The following ABTB3 variants were observed in gnomAD, a reference collection of about 807,000 sequenced individuals.
ABTB3 encodes ankyrin repeat- and BTB/POZ domain-containing protein 3.
the ABTB3 span, among the ~76,000 whole-genome samples, chr12:107,381,282 T>C: frequency 6.6e-6 from 1 of 152,254 alleles, no homozygotes. Context: ...GGGCATGTGC[T>C]AAATACTTGC....
chr12:107,454,427 C>A, the ABTB3 span, among the ~76,000 whole-genome samples: 1 of 152,210 alleles, frequency 6.6e-6, no homozygotes, highest in Admixed American at 6.5e-5. Flanking sequence ...GGAAGCTGAC[C>A]TATTAAGGGT....
the ABTB3 span, among the ~76,000 whole-genome samples, chr12:107,566,686 A>ACACACAC: frequency 3.3e-5 from 3 of 91,156 alleles, no homozygotes; most frequent in Middle Eastern, 5.2e-3. Context: ...CACACACACA[A>ACACACAC]ACATCTTTAC....
chr12:107,559,379 G>GA, the ABTB3 span, among the ~76,000 whole-genome samples: 2 of 151,844 alleles, frequency 1.3e-5, no homozygotes, highest in East Asian at 3.8e-4. Flanking sequence ...CACTCAGGGG[G>GA]AAAAAACAAC....
chr12:107,414,143 T>C, the ABTB3 span, among the ~76,000 whole-genome samples: 1 of 152,210 alleles, frequency 6.6e-6, no homozygotes, highest in Non-Finnish European at 1.5e-5. Context: ...TGAATTTATT[T>C]TTAGACTGAT....
the ABTB3 span, among the ~76,000 whole-genome samples, chr12:107,395,309 C>G: frequency 6.6e-6 from 1 of 151,664 alleles, no homozygotes; most frequent in East Asian, 1.9e-4. Context: ...ACCAAAATCT[C>G]TGTCCATGCT....
At chr12:107,542,307 G>T in the ABTB3 span, among the ~76,000 whole-genome samples, 1 of 58,830 alleles carries the variant, frequency 1.7e-5, no homozygotes, top group African/African-American at 7.9e-5. Flanking sequence ...GCGAAACTCT[G>T]TCTCAAAAAA....
chr12:107,542,837 A>G, the ABTB3 span, among the ~76,000 whole-genome samples: 1 of 152,240 alleles, frequency 6.6e-6, no homozygotes. Flanking sequence ...CTTACTATTC[A>G]TTAAGTGGAA....
At chr12:107,609,080 G>A in the ABTB3 span, among the ~76,000 whole-genome samples, 60 of 152,266 alleles carry the variant, frequency 3.9e-4, no homozygotes, top group East Asian at 4.0e-3. Context: ...TCTGCCTGGC[G>A]GCTTCCTTGC....
chr12:107,655,274 T>TATATATATATATATATAC, the ABTB3 span, among the ~76,000 whole-genome samples: 1 of 151,132 alleles, frequency 6.6e-6, no homozygotes, highest in African/African-American at 2.5e-5. Flanking sequence ...TATATATATA[T>TATATATATATATATATAC]ACACCTACAA....
At chr12:107,413,602 T>C in the ABTB3 span, among the ~76,000 whole-genome samples, 1 of 152,054 alleles carries the variant, frequency 6.6e-6, no homozygotes, top group African/African-American at 2.4e-5. Flanking sequence ...CATGGGGGCA[T>C]GAGGAGGTGT....
the ABTB3 span, among the ~76,000 whole-genome samples, chr12:107,388,388 C>A: frequency 1.3e-5 from 2 of 150,898 alleles, no homozygotes; most frequent in South Asian, 4.2e-4. Flanking sequence ...TCTTTATTAT[C>A]TGCCTCCTTC....
chr12:107,543,819 C>T, the ABTB3 span: 1 of 925,970 alleles, frequency 1.1e-6, no homozygotes, highest in Non-Finnish European at 1.6e-6. Context: ...TCCCATTGAA[C>T]CACTTTATTT....
chr12:107,623,912 G>A, the ABTB3 span, among the ~76,000 whole-genome samples: 27,957 of 152,036 alleles, frequency 0.18, 4,433 homozygotes, highest in African/African-American at 0.43. Flanking sequence ...TAACTTAGAC[G>A]AAACGGTCAG....
chr12:107,531,483 C>T, the ABTB3 span, among the ~76,000 whole-genome samples: 310 of 152,280 alleles, frequency 2.0e-3, 3 homozygotes, highest in African/African-American at 7.2e-3. Context: ...ACTGGATTAG[C>T]TCGAAGGCCA....
chr12:107,612,911 C>G, the ABTB3 span: 1 of 1,582,228 alleles, frequency 6.3e-7, no homozygotes, highest in Non-Finnish European at 8.6e-7. Flanking sequence ...GCCGGCAGTC[C>G]CCAGGGGAAA....
chr12:107,398,207 C>T, the ABTB3 span, among the ~76,000 whole-genome samples: 2 of 152,084 alleles, frequency 1.3e-5, no homozygotes, highest in Admixed American at 6.5e-5. Context: ...CCTGATGCAT[C>T]GAGCAGGGCC....
At chr12:107,568,743 C>T in the ABTB3 span, among the ~76,000 whole-genome samples, 1 of 152,114 alleles carries the variant, frequency 6.6e-6, no homozygotes. Context: ...TTTGTTATTT[C>T]TTTCTCTCAA....
At chr12:107,328,951 C>T in the ABTB3 span, among the ~76,000 whole-genome samples, 4 of 152,140 alleles carry the variant, frequency 2.6e-5, no homozygotes, top group Non-Finnish European at 4.4e-5. Context: ...TAGTCCCCGC[C>T]GGCTTCCCCT....
the ABTB3 span, among the ~76,000 whole-genome samples, chr12:107,613,262 C>T: frequency 6.6e-6 from 1 of 152,172 alleles, no homozygotes; most frequent in Admixed American, 6.5e-5. Flanking sequence ...CCACTTAACA[C>T]ACAGCAAAGG....
Sources: gnomAD v4.1 joint callset for allele counts (sites outside exome capture counted in the v4.1 genomes callset) on GRCh38, gnomAD v4.1.1 for gene constraint, MANE v1.5 for transcripts, NCBI Gene and HGNC (gene_info 2026-07-23, HGNC 2026-07-21) for gene names.